Variants in GLRA2 observed in about 807,000 individuals in gnomAD.
GLRA2 encodes the protein glycine receptor alpha 2.
A neutral mutation model predicts 31.6 loss-of-function variants in GLRA2; 11 were observed. The observed-to-expected ratio is 0.35, with a 90% CI of 0.22 to 0.58. The LOEUF (loss-of-function observed/expected upper bound fraction) is 0.58. Ranked by LOEUF, GLRA2 falls within the 20% of genes least tolerant of loss-of-function variation. GLRA2 has a pLI of 0.84. For missense variants in GLRA2, 212 were observed against 351.8 expected, an observed-to-expected ratio of 0.60 and a Z score of 3.18; for synonymous variants, 132 against 134.0, an observed-to-expected ratio of 0.99 and a Z score of 0.10.
intron 2 of GLRA2, among the ~76,000 whole-genome samples, chrX:14,552,917 T>C (rs2089585957): frequency 8.9e-6 from 1 of 111,948 alleles, no homozygotes; most frequent in African/African-American, 3.2e-5. Flanking sequence ...GCAACTCTCA[T>C]GTCCTCAAAT....
chrX:14,574,280 G>C (rs2089923743), intron 2 of GLRA2, 53 bp from the exon 3 acceptor site: 1 of 726,415 alleles, frequency 1.4e-6, no homozygotes, highest in Non-Finnish European at 2.2e-6. Flanking sequence ...GATGTTAATG[G>C]AGCTGTATTT....
intron 8 of GLRA2, among the ~76,000 whole-genome samples, chrX:14,717,865 A>AT (rs1439189284): frequency 1.8e-5 from 2 of 110,374 alleles, no homozygotes; most frequent in African/African-American, 3.3e-5. Context: ...TATTGCTTTT[A>AT]TATGGTTCAG....
chrX:14,546,028 A>G (rs749888160), intron 2 of GLRA2, among the ~76,000 whole-genome samples: 1 of 111,490 alleles, frequency 9.0e-6, no homozygotes, highest in South Asian at 3.8e-4. Context: ...TTTTAAATAG[A>G]TGAATGCCAG....
the GLRA2 span, among the ~76,000 whole-genome samples, chrX:14,514,035 G>A: frequency 8.9e-6 from 1 of 112,267 alleles, no homozygotes; most frequent in East Asian, 2.8e-4. Context: ...ATCAGTAAAT[G>A]AGTAGATAAA....
At chrX:14,536,451 C>T (rs2089324814) in intron 2 of GLRA2, among the ~76,000 whole-genome samples, 1 of 112,089 alleles carries the variant, frequency 8.9e-6, no homozygotes, top group Non-Finnish European at 1.9e-5. Context: ...TCAGACATTA[C>T]TATGGAACCT....
chrX:14,648,869 A>G (rs925957120), intron 7 of GLRA2, among the ~76,000 whole-genome samples: 4 of 112,196 alleles, frequency 3.6e-5, no homozygotes, highest in Non-Finnish European at 7.5e-5. Context: ...ATCCTCATGC[A>G]CTTCTGGTGG....
chrX:14,454,570 TAA>T, the GLRA2 span, among the ~76,000 whole-genome samples: 415 of 87,546 alleles, frequency 4.7e-3, 3 homozygotes, highest in African/African-American at 0.014. Flanking sequence ...GCCCTCAAGG[TAA>T]AAAAAAAAAA....
intron 8 of GLRA2, among the ~76,000 whole-genome samples, chrX:14,720,283 A>G (rs1569526973): frequency 8.9e-6 from 1 of 111,928 alleles, no homozygotes; most frequent in African/African-American, 3.2e-5. Flanking sequence ...GTATTGAAAT[A>G]CCACCCTTAC....
At chrX:14,485,319 A>G in the GLRA2 span, among the ~76,000 whole-genome samples, 1 of 112,410 alleles carries the variant, frequency 8.9e-6, no homozygotes, top group Non-Finnish European at 1.9e-5. Context: ...GTATACATAT[A>G]ATATGTTCCC....
intron 7 of GLRA2, among the ~76,000 whole-genome samples, chrX:14,636,283 G>C (rs1203276247): frequency 9.0e-6 from 1 of 111,505 alleles, no homozygotes; most frequent in Non-Finnish European, 1.9e-5. Flanking sequence ...GTACAGTATG[G>C]AAAGTAGAAA....
At chrX:14,500,567 G>A in the GLRA2 span, among the ~76,000 whole-genome samples, 1 of 112,235 alleles carries the variant, frequency 8.9e-6, no homozygotes, top group Non-Finnish European at 1.9e-5. Flanking sequence ...GTAGGGACAG[G>A]TCTCCTGACA....
At chrX:14,462,485 A>G in the GLRA2 span, among the ~76,000 whole-genome samples, 6 of 111,924 alleles carry the variant, frequency 5.4e-5, no homozygotes, top group Non-Finnish European at 1.1e-4. Context: ...CACGTACACC[A>G]ATCAAATGTA....
chrX:14,502,718 T>C, the GLRA2 span, among the ~76,000 whole-genome samples: 3 of 111,138 alleles, frequency 2.7e-5, no homozygotes, highest in Admixed American at 2.9e-4. Context: ...AACATTGAAC[T>C]CATGGCCAAC....
At chrX:14,511,576 A>T in the GLRA2 span, among the ~76,000 whole-genome samples, 2 of 111,798 alleles carry the variant, frequency 1.8e-5, no homozygotes, top group East Asian at 5.6e-4. Flanking sequence ...AAATAATAGA[A>T]TCTTGTTTTC....
chrX:14,716,554 G>A (rs2091789342), intron 8 of GLRA2, among the ~76,000 whole-genome samples: 1 of 111,415 alleles, frequency 9.0e-6, no homozygotes, highest in Non-Finnish European at 1.9e-5. Context: ...CTTCCCCCAG[G>A]GAGCACGACT....
chrX:14,493,606 CATATACACAT>C, the GLRA2 span, among the ~76,000 whole-genome samples: 148 of 99,343 alleles, frequency 1.5e-3, no homozygotes, highest in East Asian at 9.3e-3. Flanking sequence ...CATATATACA[CATATACACAT>C]ATATACACAT....
At chrX:14,663,263 A>G (rs774356963) in intron 7 of GLRA2, among the ~76,000 whole-genome samples, 1 of 111,406 alleles carries the variant, frequency 9.0e-6, no homozygotes, top group South Asian at 3.7e-4. Flanking sequence ...TTTTCCCTGA[A>G]TTAGTATTAT....
At chrX:14,521,760 T>C in the GLRA2 span, among the ~76,000 whole-genome samples, 1 of 112,550 alleles carries the variant, frequency 8.9e-6, no homozygotes, top group South Asian at 3.7e-4. Context: ...AATTTTTTGG[T>C]TTCCCAGTGC....
intron 8 of GLRA2, among the ~76,000 whole-genome samples, chrX:14,706,686 C>T (rs1326805913): frequency 9.0e-6 from 1 of 111,672 alleles, no homozygotes; most frequent in African/African-American, 3.3e-5. Flanking sequence ...GGTTCCTTCT[C>T]AGCTCTGTGT....
Sources: gnomAD v4.1 joint callset for allele counts (sites outside exome capture counted in the v4.1 genomes callset) on GRCh38, gnomAD v4.1.1 for gene constraint, MANE v1.5 for transcripts, NCBI Gene and HGNC (gene_info 2026-07-23, HGNC 2026-07-21) for gene names.